Variants in DOK6 observed in about 807,000 individuals in gnomAD.
DOK6 encodes the protein docking protein 6.
A neutral mutation model predicts 44.0 loss-of-function variants in DOK6; 22 were observed. That is an observed-to-expected ratio of 0.50 (90% CI 0.36 to 0.71). The LOEUF is 0.71. DOK6 is among the 30% of genes least tolerant of loss of function. The pLI, the probability that DOK6 is intolerant of heterozygous loss-of-function variation, is 0.00. For missense variants in DOK6, 340 were observed against 416.4 expected (o/e 0.82, Z 1.60); for synonymous variants, 166 against 145.5 (o/e 1.14, Z -1.01).
At chr18:69,823,590 CAA>C (rs1981638713) in intron 7 of DOK6, among the ~76,000 whole-genome samples, 2 of 151,478 alleles carry the variant, frequency 1.3e-5, no homozygotes, top group Admixed American at 1.3e-4. Context: ...TTTCAAACCA[CAA>C]AGAGTCCTTA....
At chr18:69,603,102 G>T (rs186050160) in intron 3 of DOK6, among the ~76,000 whole-genome samples, 3 of 152,318 alleles carry the variant, frequency 2.0e-5, no homozygotes, top group Non-Finnish European at 4.4e-5. Context: ...TCAGCAGAAG[G>T]CTGAGCCTAC....
chr18:69,814,202 G>C (rs1427105106), intron 7 of DOK6, among the ~76,000 whole-genome samples: 5 of 152,116 alleles, frequency 3.3e-5, no homozygotes, highest in Admixed American at 3.3e-4. Context: ...GAAAAATACA[G>C]AGGCCAGTAG....
chr18:69,673,921 T>C (rs1191425052), intron 3 of DOK6, among the ~76,000 whole-genome samples: 1 of 152,202 alleles, frequency 6.6e-6, no homozygotes, highest in African/African-American at 2.4e-5. Flanking sequence ...ACATTATGTG[T>C]AGACTAAAAA....
At chr18:69,424,802 T>C (rs1978592749) in intron 1 of DOK6, among the ~76,000 whole-genome samples, 1 of 152,174 alleles carries the variant, frequency 6.6e-6, no homozygotes, top group African/African-American at 2.4e-5. Context: ...CCCATATAGG[T>C]AGTCTGTTTT....
At chr18:69,597,173 T>A (rs990330544) in intron 2 of DOK6, among the ~76,000 whole-genome samples, 3 of 152,224 alleles carry the variant, frequency 2.0e-5, no homozygotes, top group Non-Finnish European at 4.4e-5. Flanking sequence ...AAAAGCTATG[T>A]AGATATGAGA....
intron 7 of DOK6, among the ~76,000 whole-genome samples, chr18:69,774,216 A>G (rs1357646582): frequency 6.8e-6 from 1 of 147,160 alleles, no homozygotes; most frequent in Non-Finnish European, 1.5e-5. Context: ...CAACCCGGAT[A>G]AGATTGGAGA....
intron 1 of DOK6, among the ~76,000 whole-genome samples, chr18:69,452,018 C>A (rs1479599295): frequency 2.0e-5 from 3 of 147,722 alleles, no homozygotes; most frequent in East Asian, 2.1e-4. Context: ...AAAGCAAGAG[C>A]AAACACATTC....
chr18:69,467,866 G>C (rs556260456), intron 1 of DOK6, among the ~76,000 whole-genome samples: 29 of 152,062 alleles, frequency 1.9e-4, no homozygotes, highest in Non-Finnish European at 2.5e-4. Context: ...ATCTGTATTA[G>C]AAGTGACAGA....
At chr18:69,704,827 T>C (rs6566440) in intron 5 of DOK6, among the ~76,000 whole-genome samples, 99,965 of 152,002 alleles carry the variant, frequency 0.66, 33,452 homozygotes, top group East Asian at 0.89. Context: ...AAAGATGCTT[T>C]TTTTCCCCCC....
At chr18:69,641,618 G>C (rs1984944024) in intron 3 of DOK6, among the ~76,000 whole-genome samples, 2 of 152,200 alleles carry the variant, frequency 1.3e-5, no homozygotes, top group Non-Finnish European at 2.9e-5. Flanking sequence ...TTATAAGCTA[G>C]ATATCAGCTG....
intron 2 of DOK6, among the ~76,000 whole-genome samples, chr18:69,582,100 T>TA (rs1298962164): frequency 1.3e-5 from 2 of 152,324 alleles, no homozygotes; most frequent in African/African-American, 4.8e-5. Flanking sequence ...GGTCAGCTAG[T>TA]AAAAAATGTA....
chr18:69,486,468 A>T (rs1213502694), intron 1 of DOK6, among the ~76,000 whole-genome samples: 1 of 152,180 alleles, frequency 6.6e-6, no homozygotes, highest in East Asian at 1.9e-4. Flanking sequence ...GGTGATGTTC[A>T]CAGAAGTTCA....
intron 1 of DOK6, among the ~76,000 whole-genome samples, chr18:69,426,625 C>G (rs1978643390): frequency 6.6e-6 from 1 of 152,048 alleles, no homozygotes; most frequent in Non-Finnish European, 1.5e-5. Flanking sequence ...AGAAAATCTA[C>G]AAAGTTAGAT....
intron 5 of DOK6, among the ~76,000 whole-genome samples, chr18:69,726,555 A>AG (rs1279793871): frequency 6.6e-6 from 1 of 152,142 alleles, no homozygotes; most frequent in Non-Finnish European, 1.5e-5. Context: ...TTGGACTCTT[A>AG]GTCCATTTGG....
chr18:69,808,379 A>G (rs1238063760), intron 7 of DOK6, among the ~76,000 whole-genome samples: 6 of 151,876 alleles, frequency 4.0e-5, no homozygotes, highest in Admixed American at 3.9e-4. Flanking sequence ...AAAAAACTAC[A>G]AAAAGAACAA....
At chr18:69,781,941 T>G (rs1376913319) in intron 7 of DOK6, among the ~76,000 whole-genome samples, 1 of 152,136 alleles carries the variant, frequency 6.6e-6, no homozygotes, top group Non-Finnish European at 1.5e-5. Flanking sequence ...GAAAAATAAT[T>G]ACTTCTGGAA....
At chr18:69,586,193 C>T (rs1983495760) in intron 2 of DOK6, among the ~76,000 whole-genome samples, 1 of 152,150 alleles carries the variant, frequency 6.6e-6, no homozygotes, top group African/African-American at 2.4e-5. Flanking sequence ...AGCAGAATGA[C>T]TTGCTTAAAT....
chr18:69,442,574 G>A (rs1979166479), intron 1 of DOK6, among the ~76,000 whole-genome samples: 1 of 152,150 alleles, frequency 6.6e-6, no homozygotes, highest in South Asian at 2.1e-4. Context: ...CCCGCAACAT[G>A]TGGGGATTAC....
At chr18:69,497,234 A>T (rs1980916236) in intron 1 of DOK6, among the ~76,000 whole-genome samples, 1 of 152,212 alleles carries the variant, frequency 6.6e-6, no homozygotes, top group African/African-American at 2.4e-5. Context: ...ATTTGTCTGA[A>T]ATATACATTT....
Sources: allele counts gnomAD v4.1 joint callset (sites outside exome capture counted in the v4.1 genomes callset), GRCh38; gene constraint gnomAD v4.1.1; transcripts MANE v1.5; gene names NCBI Gene and HGNC (gene_info 2026-07-23, HGNC 2026-07-21).